TMEM185A: variants seen among roughly 807,000 people sequenced by gnomAD.
TMEM185A encodes the protein family with sequence similarity 11, member A.
Under a neutral mutation model 25.0 loss-of-function variants are expected in TMEM185A, and 9 were observed. The observed-to-expected ratio is 0.36, with a 90% confidence interval of 0.22 to 0.63. The LOEUF is 0.63. TMEM185A is among the 20% of genes least tolerant of loss of function. The probability of loss-of-function intolerance (pLI) is 0.68; values close to 1 mark genes in which losing one functional copy is unlikely to be tolerated. For missense variants in TMEM185A, 103 were observed against 237.4 expected, an observed-to-expected ratio of 0.43 and a Z score of 3.72; for synonymous variants, 45 against 93.5, an observed-to-expected ratio of 0.48 and a Z score of 2.99.
intron 1 of TMEM185A, among the ~76,000 whole-genome samples, chrX:149,625,968 T>C (rs1051407864): frequency 2.7e-5 from 3 of 112,357 alleles, no homozygotes; most frequent in Admixed American, 9.4e-5. Context: ...AGTTGTCACT[T>C]AACTAGAACT....
rs1557354463 is a variant in TMEM185A at position 149,611,324 on chromosome X, C to G, written c.178G>C (p.Val60Leu). 1 of 1,210,543 alleles carries G rather than the reference C, an allele frequency of 8.3e-7. No homozygotes were observed. Among genetic ancestry groups the G allele is most frequent in the Admixed American group, 2.2e-5 (1 of 45,782 alleles). ...TTTCGTGCCCAGACTCCAGTTCCAA[C>G]TGAGGCTCCAACAATGACCATTAAC... ...WKLMVIVGAS[V>L]GTGVWARNPQ... is the part of the protein sequence containing the mutation. Residue 60 changes from valine to leucine, a missense_variant, in exon 2 of 7, where the codon GTT becomes CTT. Physicochemically the swap from Val to Leu is conservative, Grantham distance 32 (BLOSUM62 1). This residue lies in a region of TMEM185A where 102 missense variants were observed against 125.7 expected (regional missense o/e 0.81). Coordinates refer to ENST00000600449, the MANE Select transcript of TMEM185A (RefSeq NM_032508.4).
At chrX:149,622,488 T>C (rs1295594039) in intron 1 of TMEM185A, among the ~76,000 whole-genome samples, 3 of 111,569 alleles carry the variant, frequency 2.7e-5, no homozygotes, top group African/African-American at 9.8e-5. Context: ...CGAGAAAATT[T>C]AAAAAACAGC....
At chrX:149,618,747 T>C (rs2090123932) in intron 1 of TMEM185A, among the ~76,000 whole-genome samples, 1 of 112,078 alleles carries the variant, frequency 8.9e-6, no homozygotes, top group Admixed American at 9.4e-5. Context: ...ACACATTACA[T>C]ACTAACATAA....
intron 1 of TMEM185A, among the ~76,000 whole-genome samples, chrX:149,621,244 A>T (rs2124231326): frequency 9.0e-6 from 1 of 111,308 alleles, no homozygotes; most frequent in Non-Finnish European, 1.9e-5. Flanking sequence ...TAAATGCTGT[A>T]AGCTAACTTC....
intron 1 of TMEM185A, among the ~76,000 whole-genome samples, chrX:149,621,413 A>T (rs983654290): frequency 1.8e-5 from 2 of 112,423 alleles, no homozygotes. Flanking sequence ...TGTCTATTAC[A>T]TGAAAAATAG....
chrX:149,626,856 T>G (rs927839129), intron 1 of TMEM185A, among the ~76,000 whole-genome samples: 1 of 112,313 alleles, frequency 8.9e-6, no homozygotes, highest in Non-Finnish European at 1.9e-5. Flanking sequence ...TGTTTCTCTT[T>G]ACCCAAACAA....
intron 1 of TMEM185A, among the ~76,000 whole-genome samples, chrX:149,624,147 A>G (rs961880306): frequency 1.2e-4 from 13 of 112,720 alleles, no homozygotes; most frequent in Non-Finnish European, 2.3e-4. Context: ...AACATTAATC[A>G]CTACTTCTTA....
Position 149,603,789 on chromosome X carries a change from GCA to G in TMEM185A, c.507+196_507+197del, listed in dbSNP as rs782704265. ...CAAAAAAATCAGGATACAAAATGGTGCACACAGTTATATCCAAACTGTTTGTA... is the reference window on the plus strand; with the variant it reads ...CAAAAAAATCAGGATACAAAATGGTGCACAGTTATATCCAAACTGTTTGTA... On this transcript the variant is annotated intron_variant, in intron 4 of 6. Coordinates refer to ENST00000600449, the MANE Select transcript of TMEM185A (RefSeq NM_032508.4). The G allele has an allele frequency of 4.5e-5, 15 of 331,064 alleles. No homozygotes were observed. The South Asian group carries it at 1.5e-3, about 34-fold the overall frequency. 27.3% of individuals were successfully genotyped at this position (331,064 alleles called of 1,213,427 possible).
chrX:149,629,471 T>TA (rs1432879394), intron 1 of TMEM185A, among the ~76,000 whole-genome samples: 1 of 111,644 alleles, frequency 9.0e-6, no homozygotes, highest in Non-Finnish European at 1.9e-5. Flanking sequence ...CACTACCAGC[T>TA]AAAAAAACAA....
chrX:149,617,441 T>G (rs1377104056), intron 1 of TMEM185A, among the ~76,000 whole-genome samples: 1 of 111,166 alleles, frequency 9.0e-6, no homozygotes, highest in Non-Finnish European at 1.9e-5. Flanking sequence ...TTCAGAGACA[T>G]CCCATCAAAG....
intron 1 of TMEM185A, among the ~76,000 whole-genome samples, chrX:149,629,665 A>C (rs1339602931): frequency 1.8e-5 from 2 of 112,481 alleles, no homozygotes; most frequent in African/African-American, 6.5e-5. Flanking sequence ...GTTGAGAATT[A>C]CTATAAATCT....
intron 1 of TMEM185A, among the ~76,000 whole-genome samples, chrX:149,622,972 A>C: frequency 8.9e-6 from 1 of 112,753 alleles, no homozygotes; most frequent in East Asian, 2.8e-4. Flanking sequence ...GTAATGATCA[A>C]ATCAGAGTAA....
intron 1 of TMEM185A, among the ~76,000 whole-genome samples, chrX:149,615,986 T>A (rs1312717893): frequency 1.8e-5 from 2 of 111,798 alleles, no homozygotes; most frequent in Non-Finnish European, 3.8e-5. Flanking sequence ...GGCAGACTTC[T>A]CAATACCCTT....
chrX:149,603,954 G>C (rs150539503), intron 4 of TMEM185A, 33 bp downstream of exon 4: 1 of 1,126,326 alleles, frequency 8.9e-7, no homozygotes, highest in African/African-American at 1.8e-5. Flanking sequence ...TAATAAAAAA[G>C]AACTTTATTT....
At chrX:149,610,904 G>C (rs960185939) in intron 2 of TMEM185A, among the ~76,000 whole-genome samples, 1 of 112,192 alleles carries the variant, frequency 8.9e-6, no homozygotes, top group East Asian at 2.8e-4. Flanking sequence ...GGTGGGACAA[G>C]GGGAGCCCCA....
chrX:149,611,880 G>A (rs782619296), intron 1 of TMEM185A, among the ~76,000 whole-genome samples: 1 of 111,925 alleles, frequency 8.9e-6, no homozygotes, highest in Non-Finnish European at 1.9e-5. Flanking sequence ...GAAGGAACTA[G>A]CTATACCAAG....
At chrX:149,610,217 T>C (rs1232556972) in intron 2 of TMEM185A, among the ~76,000 whole-genome samples, 3 of 109,561 alleles carry the variant, frequency 2.7e-5, no homozygotes, top group African/African-American at 1.0e-4. Flanking sequence ...GATCACCTGA[T>C]GTCAGGAGTT....
chrX:149,602,227 ATTTCAT>A (rs1557352442), intron 4 of TMEM185A: 3 of 108,088 alleles, frequency 2.8e-5, no homozygotes, highest in Non-Finnish European at 5.8e-5. Flanking sequence ...GCCTGTCTTC[ATTTCAT>A]TTTAATTTTG....
intron 1 of TMEM185A, among the ~76,000 whole-genome samples, chrX:149,624,574 C>A (rs1557355836): frequency 9.0e-6 from 1 of 111,497 alleles, no homozygotes; most frequent in African/African-American, 3.3e-5. Context: ...CAAGCACATA[C>A]ACACACACAA....
Sources: gnomAD v4.1 joint callset for allele counts (sites outside exome capture counted in the v4.1 genomes callset) on GRCh38, gnomAD v4.1.1 for gene constraint, gnomAD v4.1.1 regional missense constraint, MANE v1.5 for transcripts, NCBI Gene and HGNC (gene_info 2026-07-23, HGNC 2026-07-21) for gene names.